Variants in ARHGAP10 observed in about 807,000 individuals in gnomAD.
ARHGAP10 encodes Rho GTPase activating protein 10.
In ARHGAP10, 87 loss-of-function variants were observed where a neutral mutation model predicts 108.6. That is an observed-to-expected ratio of 0.80 (90% CI 0.67 to 0.96). ARHGAP10 has a LOEUF of 0.96. Ranked by LOEUF, ARHGAP10 falls within the 40% of genes least tolerant of loss-of-function variation. The pLI is 0.00. For missense variants in ARHGAP10, 939 were observed against 954.5 expected, an observed-to-expected ratio of 0.98 and a Z score of 0.21; for synonymous variants, 347 against 341.1, an observed-to-expected ratio of 1.02 and a Z score of -0.19.
At chr4:147,992,750 C>A (rs1740329878) in intron 18 of ARHGAP10, among the ~76,000 whole-genome samples, 1 of 152,320 alleles carries the variant, frequency 6.6e-6, no homozygotes, top group East Asian at 1.9e-4. Context: ...TTCTAGACTT[C>A]TGCCATCCAG....
At chr4:147,997,074 T>A (rs1343672473) in intron 18 of ARHGAP10, among the ~76,000 whole-genome samples, 1 of 152,344 alleles carries the variant, frequency 6.6e-6, no homozygotes, top group Non-Finnish European at 1.5e-5. Context: ...AAAACTGTAG[T>A]GCACGGAAGA....
At chr4:148,057,743 C>T (rs1388887668) in intron 20 of ARHGAP10, among the ~76,000 whole-genome samples, 4 of 152,198 alleles carry the variant, frequency 2.6e-5, no homozygotes, top group South Asian at 2.1e-4. Context: ...TTGGGCAGAT[C>T]GCTACATGGC....
chr4:147,780,919 C>T (rs1232293369), intron 1 of ARHGAP10, among the ~76,000 whole-genome samples: 1 of 152,070 alleles, frequency 6.6e-6, no homozygotes, highest in African/African-American at 2.4e-5. Context: ...GTGGGTTAAG[C>T]CATTTGTCCT....
intron 18 of ARHGAP10, among the ~76,000 whole-genome samples, chr4:147,972,397 T>C (rs1739446692): frequency 1.3e-5 from 2 of 152,164 alleles, no homozygotes; most frequent in Admixed American, 6.5e-5. Context: ...AAAATTCTTA[T>C]GTATATTATC....
At position 147,764,553 on chromosome 4, in the gene ARHGAP10, A is replaced by T. The variant is rs548509911; in HGVS notation, c.154+32098A>T. On this transcript the variant is annotated intron_variant, in intron 1 of 22. Coordinates refer to ENST00000336498, the MANE Select transcript of ARHGAP10 (RefSeq NM_024605.4). ...CAAACATTTATTTTTTTATTTTTTG[A>T]GATAGAGTCTCACTCTGTTGCCAAG... Among the ~76,000 whole-genome samples, 3 of 151,090 alleles carry T rather than the reference A, an allele frequency of 2.0e-5. No homozygotes were observed. The South Asian group carries it at 6.3e-4, about 31-fold the overall frequency.
intron 18 of ARHGAP10, among the ~76,000 whole-genome samples, chr4:148,001,477 G>C (rs551861904): frequency 6.6e-6 from 1 of 152,224 alleles, no homozygotes; most frequent in East Asian, 1.9e-4. Context: ...TGATGGGGAT[G>C]GCATTGAATC....
intron 16 of ARHGAP10, among the ~76,000 whole-genome samples, chr4:147,956,863 T>C (rs1014254225): frequency 1.8e-4 from 28 of 152,158 alleles, no homozygotes; most frequent in African/African-American, 6.5e-4. Flanking sequence ...TTACGCCCCA[T>C]AACTGATGGC....
At chr4:147,863,987 T>A (rs1734435640) in intron 5 of ARHGAP10, 1 of 152,256 alleles carries the variant, frequency 6.6e-6, no homozygotes, top group Non-Finnish European at 1.5e-5. Context: ...ATCCTAATGA[T>A]GAGCGATGTT....
chr4:147,805,369 T>C (rs539430958), intron 1 of ARHGAP10, among the ~76,000 whole-genome samples: 2 of 152,366 alleles, frequency 1.3e-5, no homozygotes, highest in East Asian at 1.9e-4. Context: ...TTTCGGTTAC[T>C]GTAGCCATGT....
intron 1 of ARHGAP10, among the ~76,000 whole-genome samples, chr4:147,776,883 G>A (rs1381831085): frequency 2.0e-5 from 3 of 152,324 alleles, no homozygotes; most frequent in Non-Finnish European, 2.9e-5. Flanking sequence ...GAGGACTTTC[G>A]TTAGGACGAT....
In ARHGAP10 at chr4:148,072,449, CCT is replaced by C; in HGVS notation, c.*369_*370del. The C allele has an allele frequency of 4.3e-6, 1 of 231,106 alleles. No homozygotes were observed. The allele number at this position is 231,106 out of a possible 1,614,324, so 14.3% of individuals were successfully genotyped here. The stretch of plus-strand genomic sequence containing the variant: ...AGAGCCACCCTGGCTCCCTCTCCTC[CCT>C]GAGCACCTGCTGCTGCGATTTTAAA... On this transcript the variant is annotated 3_prime_UTR_variant, in exon 23 of 23. Coordinates refer to ENST00000336498, the MANE Select transcript of ARHGAP10 (RefSeq NM_024605.4).
chr4:147,820,746 A>G (rs1299404311), intron 1 of ARHGAP10, among the ~76,000 whole-genome samples: 1 of 151,858 alleles, frequency 6.6e-6, no homozygotes, highest in Non-Finnish European at 1.5e-5. Context: ...ATGCACCACC[A>G]TGTCCAGCTA....
intron 10 of ARHGAP10, among the ~76,000 whole-genome samples, chr4:147,889,299 G>A (rs891201738): frequency 8.6e-5 from 13 of 151,758 alleles, no homozygotes; most frequent in Non-Finnish European, 1.6e-4. Flanking sequence ...GTTCGTATTG[G>A]GTACCTTCTT....
chr4:148,053,167 C>T (rs1729218769), intron 20 of ARHGAP10, among the ~76,000 whole-genome samples: 1 of 152,154 alleles, frequency 6.6e-6, no homozygotes, highest in African/African-American at 2.4e-5. Context: ...TTGGCCCAAG[C>T]CACACAAGCA....
At chr4:147,976,561 T>C (rs1739605832) in intron 18 of ARHGAP10, among the ~76,000 whole-genome samples, 2 of 151,658 alleles carry the variant, frequency 1.3e-5, no homozygotes, top group South Asian at 4.2e-4. Context: ...TTTTTTCTTC[T>C]TCTCAGCAGG....
chr4:147,831,241 T>C (rs1212323176), intron 3 of ARHGAP10, among the ~76,000 whole-genome samples: 2 of 152,220 alleles, frequency 1.3e-5, no homozygotes, highest in Non-Finnish European at 1.5e-5. Flanking sequence ...TGTGTCCCTG[T>C]CAGGAGGTTA....
intron 13 of ARHGAP10, among the ~76,000 whole-genome samples, chr4:147,914,511 C>T (rs1363586782): frequency 6.6e-6 from 1 of 151,720 alleles, no homozygotes; most frequent in African/African-American, 2.4e-5. Flanking sequence ...ACATGAGCCA[C>T]CATGCTTGTC....
At chr4:148,034,755 A>G (rs1037528326) in intron 19 of ARHGAP10, among the ~76,000 whole-genome samples, 9 of 152,200 alleles carry the variant, frequency 5.9e-5, no homozygotes, top group African/African-American at 1.9e-4. Context: ...CTCTGAGCAC[A>G]GTGCTCTAAA....
chr4:147,920,286 G>A (rs1329927093), intron 13 of ARHGAP10, among the ~76,000 whole-genome samples: 1 of 151,718 alleles, frequency 6.6e-6, no homozygotes, highest in South Asian at 2.1e-4. Context: ...GCATGGTGGC[G>A]GGTGCCTGTA....
Sources: gnomAD v4.1 joint callset for allele counts (sites outside exome capture counted in the v4.1 genomes callset) on GRCh38, gnomAD v4.1.1 for gene constraint, MANE v1.5 for transcripts, NCBI Gene and HGNC (gene_info 2026-07-23, HGNC 2026-07-21) for gene names.